The following GPC5 variants were observed in gnomAD, a reference collection of about 807,000 sequenced individuals.
The protein encoded by GPC5 is glypican 5.
GPC5 carries 47 observed loss-of-function variants against 53.9 expected under a neutral mutation model. The observed-to-expected ratio is 0.87, with a 90% CI of 0.69 to 1.11. The LOEUF is 1.11. Among genes scored for constraint, GPC5 ranks in the 50% most tolerant of loss-of-function variants. The pLI is 0.00. For synonymous variants in GPC5, 286 were observed against 263.3 expected (o/e 1.09, Z -0.84); for missense variants, 748 against 713.1 (o/e 1.05, Z -0.56).
chr13:91,778,957 A>T (rs1219169304), intron 5 of GPC5, among the ~76,000 whole-genome samples: 1 of 152,206 alleles, frequency 6.6e-6, no homozygotes, highest in East Asian at 1.9e-4. Flanking sequence ...GCTGTAGGCA[A>T]TTGTAACATA....
At chr13:91,733,002 C>T (rs537526824) in intron 4 of GPC5, among the ~76,000 whole-genome samples, 11 of 152,168 alleles carry the variant, frequency 7.2e-5, no homozygotes, top group South Asian at 4.1e-4. Flanking sequence ...CTTGGCTATA[C>T]GGGCTCTTTT....
At chr13:92,835,154 A>G (rs1878181084) in intron 7 of GPC5, among the ~76,000 whole-genome samples, 1 of 152,032 alleles carries the variant, frequency 6.6e-6, no homozygotes, top group African/African-American at 2.4e-5. Context: ...ACCCTCCCAC[A>G]TGAATAATTT....
intron 7 of GPC5, among the ~76,000 whole-genome samples, chr13:92,347,907 TATATAA>T (rs1328556760): frequency 1.3e-4 from 2 of 15,972 alleles, no homozygotes; most frequent in Admixed American, 1.2e-3. Context: ...ATATAATATA[TATATAA>T]TATATATATA....
At chr13:91,676,220 G>A (rs185857197) in intron 2 of GPC5, among the ~76,000 whole-genome samples, 5 of 152,144 alleles carry the variant, frequency 3.3e-5, no homozygotes, top group South Asian at 4.1e-4. Context: ...ACAGGTGCCC[G>A]CCACCACGCC....
At chr13:91,540,813 T>C (rs2029885746) in intron 2 of GPC5, among the ~76,000 whole-genome samples, 1 of 152,092 alleles carries the variant, frequency 6.6e-6, no homozygotes, top group Admixed American at 6.6e-5. Context: ...GAAAGAAATA[T>C]GTGGCCCAGA....
intron 7 of GPC5, among the ~76,000 whole-genome samples, chr13:92,316,149 ATAAG>A (rs1373100802): frequency 6.6e-6 from 1 of 152,118 alleles, no homozygotes; most frequent in African/African-American, 2.4e-5. Flanking sequence ...GAATGCAATG[ATAAG>A]TAAGAGATTG....
At chr13:91,819,567 A>T (rs547477142) in intron 5 of GPC5, among the ~76,000 whole-genome samples, 71 of 152,302 alleles carry the variant, frequency 4.7e-4, no homozygotes, top group African/African-American at 1.5e-3. Context: ...TGTAAAATCC[A>T]TCTATATTAT....
chr13:91,553,438 T>C (rs540920753), intron 2 of GPC5, among the ~76,000 whole-genome samples: 1 of 152,188 alleles, frequency 6.6e-6, no homozygotes, highest in East Asian at 1.9e-4. Flanking sequence ...GCTCAATAAA[T>C]GCCTGTAGAA....
At position 92,527,108 on chromosome 13, in the gene GPC5, A is replaced by AAAAGAAAGAAAG. The variant is rs58356455; in HGVS notation, c.1562-339120_1562-339109dup. Among the ~76,000 whole-genome samples the AAAAGAAAGAAAG allele has an allele frequency of 3.6e-3, 140 of 39,036 alleles. 5 individuals carry two copies. The highest frequency in any genetic ancestry group is 0.011 in the Middle Eastern group (1 of 90). 25.6% of individuals were successfully genotyped at this position (39,036 alleles called of 152,430 possible). A position where few individuals can be genotyped will look rare whatever the true frequency, so the allele number is the denominator to read the frequency against. On this transcript the variant is annotated intron_variant, in intron 7 of 7. Transcript: ENST00000377067. ...TGAGATTCTGTAGGAAAAGAAAGAAAAAAGAAAGAAAGAAAGAAAGAAAGA... is the reference window on the plus strand; with the variant it reads ...TGAGATTCTGTAGGAAAAGAAAGAAAAAAGAAAGAAAGAAAGAAAGAAAGAAAGAAAGAAAGA...
At chr13:91,567,641 C>T (rs2031594241) in intron 2 of GPC5, among the ~76,000 whole-genome samples, 1 of 152,224 alleles carries the variant, frequency 6.6e-6, no homozygotes, top group African/African-American at 2.4e-5. Flanking sequence ...TAGGATACTG[C>T]CAGCTGAGGG....
At chr13:92,333,150 T>C (rs939529991) in intron 7 of GPC5, among the ~76,000 whole-genome samples, 1 of 152,070 alleles carries the variant, frequency 6.6e-6, no homozygotes, top group Admixed American at 6.6e-5. Flanking sequence ...AGTCTCAGAA[T>C]TAAAAACTCC....
intron 7 of GPC5, among the ~76,000 whole-genome samples, chr13:92,647,735 T>A (rs1328855262): frequency 2.6e-5 from 4 of 152,126 alleles, no homozygotes; most frequent in Non-Finnish European, 5.9e-5. Context: ...AAAGGCCACA[T>A]GGTATCTTTA....
intron 6 of GPC5, among the ~76,000 whole-genome samples, chr13:91,994,129 G>A (rs190735267): frequency 2.3e-4 from 35 of 152,288 alleles, no homozygotes; most frequent in East Asian, 1.7e-3. Flanking sequence ...GGTACTAGTG[G>A]TGTGTTCAGA....
chr13:92,238,935 T>A (rs1268263090), intron 7 of GPC5, among the ~76,000 whole-genome samples: 1 of 151,928 alleles, frequency 6.6e-6, no homozygotes, highest in Non-Finnish European at 1.5e-5. Context: ...ATATATGGTG[T>A]GAGGTAGGGC....
At chr13:92,833,986 A>G (rs1333334052) in intron 7 of GPC5, among the ~76,000 whole-genome samples, 1 of 152,200 alleles carries the variant, frequency 6.6e-6, no homozygotes, top group Non-Finnish European at 1.5e-5. Flanking sequence ...GTAGTAGGAC[A>G]ATATAATCTG....
At chr13:92,601,554 C>CAAAAAAAA in intron 7 of GPC5, among the ~76,000 whole-genome samples, 1 of 67,390 alleles carries the variant, frequency 1.5e-5, no homozygotes, top group Non-Finnish European at 3.2e-5. Context: ...GACTCCATCT[C>CAAAAAAAA]AAAAAAAAAA....
At chr13:92,449,616 T>G in intron 7 of GPC5, among the ~76,000 whole-genome samples, 1 of 152,052 alleles carries the variant, frequency 6.6e-6, no homozygotes, top group Non-Finnish European at 1.5e-5. Context: ...ATGAAAGCAG[T>G]GGAATGGAAT....
intron 4 of GPC5, among the ~76,000 whole-genome samples, chr13:91,736,899 A>T (rs2036827167): frequency 6.6e-6 from 1 of 151,336 alleles, no homozygotes; most frequent in Non-Finnish European, 1.5e-5. Flanking sequence ...ACAGAACAAT[A>T]GGAAAAAATA....
intron 6 of GPC5, among the ~76,000 whole-genome samples, chr13:91,939,923 G>A (rs1464788673): frequency 1.3e-5 from 2 of 152,004 alleles, no homozygotes; most frequent in African/African-American, 4.8e-5. Context: ...TACCCCATTG[G>A]TTCCACCACA....
Sources: gnomAD v4.1 joint callset for allele counts (sites outside exome capture counted in the v4.1 genomes callset) on GRCh38, gnomAD v4.1.1 for gene constraint, MANE v1.5 for transcripts, NCBI Gene and HGNC (gene_info 2026-07-23, HGNC 2026-07-21) for gene names.